The following SV2B variants were observed in gnomAD, a reference collection of about 807,000 sequenced individuals.
The protein encoded by SV2B is solute carrier family 22 member B2.
A neutral mutation model predicts 73.9 loss-of-function variants in SV2B; 41 were observed. The ratio of observed to expected loss-of-function variants is 0.56; its 90% CI spans 0.43 to 0.72. The LOEUF is 0.72. Ranked by LOEUF, SV2B falls within the 30% of genes least tolerant of loss-of-function variation. SV2B has a pLI of 0.00. For synonymous variants in SV2B, 314 were observed against 314.2 expected (o/e 1.00, Z 0.01); for missense variants, 764 against 857.8 (o/e 0.89, Z 1.37).
chr15:91,236,555 A>G lies in SV2B; in HGVS notation c.451+9841A>G, dbSNP rs76522880. On this transcript the variant is annotated intron_variant, in intron 2 of 12. Transcript: ENST00000394232. This position sits in a 1 kb window ranked among gnomAD's most constrained non-coding sequence, Gnocchi z 4.1. Reference sequence around the variant, plus strand: ...TATAAAACTCATTCCCTGTACAAGTATATGTAAGCTTTTGACCTTGGTGGC... The same window carrying G: ...TATAAAACTCATTCCCTGTACAAGTGTATGTAAGCTTTTGACCTTGGTGGC... 0.02 allele frequency among the ~76,000 whole-genome samples: 3,016 copies of G among 152,316 alleles called. 36 individuals are homozygous for G. Among genetic ancestry groups the G allele is most frequent in the Middle Eastern group, 0.048 (14 of 294 alleles).
At chr15:91,161,355 A>G (rs916666748) in intron 1 of SV2B, among the ~76,000 whole-genome samples, 2 of 152,254 alleles carry the variant, frequency 1.3e-5, no homozygotes, top group Admixed American at 1.3e-4. Context: ...AAAGTATACA[A>G]TAAAATATTA....
Position 91,224,424 on chromosome 15 carries a change from T to C in SV2B, c.-391-1449T>C, listed in dbSNP as rs985945734. 6.6e-6 allele frequency among the ~76,000 whole-genome samples: 1 copy of C among 152,134 alleles called. No homozygotes were observed. Among genetic ancestry groups the C allele is most frequent in the African/African-American group, 2.4e-5 (1 of 41,422 alleles). ...GTGGGGTAGGGGGTGTAGGAGGGGC[T>C]GACGCCTAGCCCTGAGGGGCTACTC... On this transcript the variant is annotated intron_variant, in intron 1 of 12. Transcript: ENST00000394232. This position sits in a 1 kb window ranked among gnomAD's most constrained non-coding sequence, Gnocchi z 4.9.
chr15:91,117,181 C>T lies in SV2B; in HGVS notation c.-392+16818C>T, dbSNP rs545397639. On this transcript the variant is annotated intron_variant, in intron 1 of 12. Coordinates refer to ENST00000394232, the MANE Select transcript of SV2B (RefSeq NM_001323032.3). ...TTTTGTTCCATGGTGGCAAGAGTAT[C>T]GGTCTGGAGCTAGATTGCTGGGATT... Among the ~76,000 whole-genome samples, 6 of 152,280 alleles carry T rather than the reference C, an allele frequency of 3.9e-5. No individual in the cohort carries two copies. In the South Asian group the frequency reaches 6.2e-4, roughly 16 times the overall value.
Position 91,226,630 on chromosome 15 carries a change from G to C in SV2B, c.367G>C (p.Gly123Arg). The change falls in exon 2 of 13, where the codon GGG becomes CGG. Residue 123 changes from glycine to arginine, a missense_variant. Physicochemically the swap from Gly to Arg is moderately radical, Grantham distance 125 (BLOSUM62 -2). Transcript: ENST00000394232. ...FVLGLALMAD[G>R]VEVFVVSFAL... ...CTTGGGTTTGGCCCTGATGGCCGATGGGGTGGAAGTGTTCGTGGTGAGTTT... is the reference window on the plus strand; with the variant it reads ...CTTGGGTTTGGCCCTGATGGCCGATCGGGTGGAAGTGTTCGTGGTGAGTTT... The C allele has an allele frequency of 6.2e-7, 1 of 1,614,156 alleles. No homozygotes were observed. Among genetic ancestry groups the C allele is most frequent in the Non-Finnish European group, 8.5e-7 (1 of 1,180,020 alleles).
At chr15:91,170,296 TG>T (rs1456339544) in intron 1 of SV2B, among the ~76,000 whole-genome samples, 2 of 152,084 alleles carry the variant, frequency 1.3e-5, no homozygotes, top group South Asian at 2.1e-4. Flanking sequence ...GGATTTTTTT[TG>T]TTTTTTTTGA....
intron 2 of SV2B, among the ~76,000 whole-genome samples, chr15:91,248,666 C>T (rs1323923029): frequency 6.6e-6 from 1 of 152,130 alleles, no homozygotes; most frequent in African/African-American, 2.4e-5. Flanking sequence ...TGTGCTCTAG[C>T]CTCTTGCTAC....
Position 91,137,588 on chromosome 15 carries a change from C to CATATATATATT in SV2B, c.-392+37225_-392+37226insATATATATATT, listed in dbSNP as rs2042871462. 2.6e-5 allele frequency among the ~76,000 whole-genome samples: 2 copies of CATATATATATT among 76,238 alleles called. No individual in the cohort carries two copies. The highest frequency in any genetic ancestry group is 9.0e-4 in the South Asian group (2 of 2,210). The allele number at this position is 76,238 out of a possible 152,430, so 50.0% of individuals were successfully genotyped here. ...ATGTGAAATATATATATATATATTT[C>CATATATATATT]TCATATATATATATATTTCATATAT... On this transcript the variant is annotated intron_variant, in intron 1 of 12. Coordinates refer to ENST00000394232, the MANE Select transcript of SV2B (RefSeq NM_001323032.3). The surrounding 1 kb of genome is among the most constrained non-coding windows in gnomAD (Gnocchi z 4.9).
chr15:91,106,116 A>G lies in SV2B; in HGVS notation c.-392+5753A>G, dbSNP rs1340925223. ...TTCATAAAGCAGGCAGGATGTGTGG[A>G]TGAGTTAGATACTTAGAGTATGAGA... On this transcript the variant is annotated intron_variant, in intron 1 of 12. Coordinates refer to ENST00000394232, the MANE Select transcript of SV2B (RefSeq NM_001323032.3). The surrounding 1 kb of genome is among the most constrained non-coding windows in gnomAD (Gnocchi z 4.4). Among the ~76,000 whole-genome samples the G allele has an allele frequency of 2.0e-5, 3 of 152,200 alleles. No individual in the cohort carries two copies. Among genetic ancestry groups the G allele is most frequent in the African/African-American group, 7.2e-5 (3 of 41,452 alleles).
intron 2 of SV2B, among the ~76,000 whole-genome samples, chr15:91,237,822 G>A (rs1354553620): frequency 6.6e-6 from 1 of 152,116 alleles, no homozygotes; most frequent in Non-Finnish European, 1.5e-5. Context: ...ACATATCTTC[G>A]GTAGCATGAA....
In SV2B at chr15:91,226,174, A is replaced by G. The variant is rs1051054286; in HGVS notation, c.-90A>G. ...ACATATTTCACATTTGAACTACATA[A>G]TGAATGATGGTTATTGAAATAGCCC... On this transcript the variant is annotated 5_prime_UTR_variant, in exon 2 of 13. An upstream start codon of the reference 5' UTR is lost. Coordinates refer to ENST00000394232, the MANE Select transcript of SV2B (RefSeq NM_001323032.3). 1 of 1,261,310 alleles carries G rather than the reference A, an allele frequency of 7.9e-7. No homozygotes were observed. The highest frequency in any genetic ancestry group is 1.1e-6 in the Non-Finnish European group (1 of 893,658). 78.1% of individuals were successfully genotyped at this position (1,261,310 alleles called of 1,614,324 possible). A position where few individuals can be genotyped will look rare whatever the true frequency, so the allele number is the denominator to read the frequency against.
chr15:91,292,630 G>A lies in SV2B; in HGVS notation c.*78G>A. 2.7e-6 allele frequency: 4 copies of A among 1,509,222 alleles called. No homozygotes were observed. Among genetic ancestry groups the A allele is most frequent in the South Asian group, 1.3e-5 (1 of 75,006 alleles). The allele number at this position is 1,509,222 out of a possible 1,614,324, so 93.5% of individuals were successfully genotyped here. A position where few individuals can be genotyped will look rare whatever the true frequency, so the allele number is the denominator to read the frequency against. ...TGCATCCACACTTCCTGCCTATCAC[G>A]GTCCGGAGGACACCTTGGATAGCAC... On this transcript the variant is annotated 3_prime_UTR_variant, in exon 13 of 13. Transcript: ENST00000394232.
intron 1 of SV2B, among the ~76,000 whole-genome samples, chr15:91,120,504 G>A (rs563003272): frequency 7.8e-4 from 118 of 152,186 alleles, no homozygotes; most frequent in Middle Eastern, 6.8e-3. Context: ...TCTTAAAAAT[G>A]CTTTGTATTT....
intron 1 of SV2B, among the ~76,000 whole-genome samples, chr15:91,185,674 T>C (rs920666378): frequency 6.6e-6 from 1 of 152,086 alleles, no homozygotes; most frequent in Non-Finnish European, 1.5e-5. Context: ...ACTGAAAAAG[T>C]GATATGATGG....
rs903531189 is a variant in SV2B, at chr15:91,209,114, G to GTTTTTT, written c.-391-16739_-391-16734dup. On this transcript the variant is annotated intron_variant, in intron 1 of 12. Coordinates refer to ENST00000394232, the MANE Select transcript of SV2B (RefSeq NM_001323032.3). ...AGTGACTGTGGCAGTACTGTTTTTT[G>GTTTTTT]TTTTTTTTTTTTTTTTTTTTTTTTT... is the stretch of plus-strand genomic sequence containing the variant. Among the ~76,000 whole-genome samples the GTTTTTT allele has an allele frequency of 4.4e-3, 392 of 89,906 alleles. 1 individual carries two copies. The highest frequency in any genetic ancestry group is 8.3e-3 in the African/African-American group (133 of 16,018). The allele number at this position is 89,906 out of a possible 152,430, so 59.0% of individuals were successfully genotyped here. A position where few individuals can be genotyped will look rare whatever the true frequency, so the allele number is the denominator to read the frequency against.
At chr15:91,292,234 A>G (rs149060025) in intron 12 of SV2B, 135 bp from the exon 13 acceptor site, 1 of 732,834 alleles carries the variant, frequency 1.4e-6, no homozygotes, top group Non-Finnish European at 2.1e-6. Flanking sequence ...TACAATGAGA[A>G]TGTGTTATTT....
In SV2B at chr15:91,280,063, G is replaced by A. The variant is rs149841169; in HGVS notation, c.1374-1665G>A. 6.9e-3 allele frequency among the ~76,000 whole-genome samples: 1,057 copies of A among 152,306 alleles called. 6 individuals carry two copies. Among genetic ancestry groups the A allele is most frequent in the Non-Finnish European group, 9.8e-3 (669 of 68,026 alleles). On this transcript the variant is annotated intron_variant, in intron 9 of 12. Coordinates refer to ENST00000394232, the MANE Select transcript of SV2B (RefSeq NM_001323032.3). The surrounding 1 kb of genome is among the most constrained non-coding windows in gnomAD (Gnocchi z 5.8). Reference sequence around the variant, plus strand: ...GGTGATTCTGGTTCAAGAGGTGTAGGCTGGAATTTAGGAAATGACATCTTT... The same window carrying A: ...GGTGATTCTGGTTCAAGAGGTGTAGACTGGAATTTAGGAAATGACATCTTT...
Position 91,137,091 on chromosome 15 carries a change from C to T in SV2B, c.-392+36728C>T, listed in dbSNP as rs1217378308. 6.6e-6 allele frequency among the ~76,000 whole-genome samples: 1 copy of T among 152,168 alleles called. No homozygotes were observed. Among genetic ancestry groups the T allele is most frequent in the Non-Finnish European group, 1.5e-5 (1 of 68,036 alleles). ...AGTTATTGGGGTGACTCGTAAGAAGCAGGCAGTCACTGAGCCTCAGTTTCC... is the reference window on the plus strand; with the variant it reads ...AGTTATTGGGGTGACTCGTAAGAAGTAGGCAGTCACTGAGCCTCAGTTTCC... On this transcript the variant is annotated intron_variant, in intron 1 of 12. Coordinates refer to ENST00000394232, the MANE Select transcript of SV2B (RefSeq NM_001323032.3). This position sits in a 1 kb window ranked among gnomAD's most constrained non-coding sequence, Gnocchi z 4.9.
intron 1 of SV2B, among the ~76,000 whole-genome samples, chr15:91,155,458 T>A (rs1567297633): frequency 6.6e-6 from 1 of 152,184 alleles, no homozygotes; most frequent in Non-Finnish European, 1.5e-5. Flanking sequence ...TATTCAATGT[T>A]TACCTAGATC....
rs1172775689 is a variant in SV2B at position 91,267,397 on chromosome 15, T to A, written c.1120-158T>A. On this transcript the variant is annotated intron_variant, in intron 7 of 12. Coordinates refer to ENST00000394232, the MANE Select transcript of SV2B (RefSeq NM_001323032.3). This position sits in a 1 kb window ranked among gnomAD's most constrained non-coding sequence, Gnocchi z 4.3. ...GGAAGAGAAGAGGCTTTCCTTGTTA[T>A]TTGGACAGTTTTGCTGCCTCTAGGA... is the stretch of plus-strand genomic sequence containing the variant. Among the ~76,000 whole-genome samples the A allele has an allele frequency of 6.6e-6, 1 of 152,186 alleles. No individual in the cohort carries two copies. Among genetic ancestry groups the A allele is most frequent in the African/African-American group, 2.4e-5 (1 of 41,438 alleles).
Sources: allele counts gnomAD v4.1 joint callset (sites outside exome capture counted in the v4.1 genomes callset), GRCh38; gene constraint gnomAD v4.1.1; non-coding constraint Gnocchi (gnomAD v3.1); transcripts MANE v1.5; gene names NCBI Gene and HGNC (gene_info 2026-07-23, HGNC 2026-07-21).